The following TRIM37 variants were observed in gnomAD, a reference collection of about 807,000 sequenced individuals.
TRIM37 encodes tripartite motif containing 37, also known as E3 ubiquitin-protein ligase TRIM37.
TRIM37 carries 80 observed loss-of-function variants against 129.8 expected under a neutral mutation model. That is an observed-to-expected ratio of 0.62 (90% CI 0.51 to 0.74). The LOEUF is 0.74. Ranked by LOEUF, TRIM37 falls within the 30% of genes least tolerant of loss-of-function variation. The probability of loss-of-function intolerance (pLI) is 0.00; values close to 1 mark genes in which losing one functional copy is unlikely to be tolerated. For synonymous variants in TRIM37, 389 were observed against 387.1 expected, an observed-to-expected ratio of 1.00 and a Z score of -0.06; for missense variants, 1,054 against 1,176.5, an observed-to-expected ratio of 0.90 and a Z score of 1.52.
intron 14 of TRIM37, among the ~76,000 whole-genome samples, chr17:59,050,745 C>A (rs1313037410): frequency 6.6e-6 from 1 of 152,020 alleles, no homozygotes; most frequent in Non-Finnish European, 1.5e-5. Flanking sequence ...TTTGGGAGGC[C>A]GAGGTGGGCA....
chr17:59,099,234 T>C (rs753020384), intron 2 of TRIM37, among the ~76,000 whole-genome samples: 6 of 152,008 alleles, frequency 3.9e-5, no homozygotes, highest in Admixed American at 6.6e-5. Context: ...TATATAGCCA[T>C]GTGTCACATA....
At position 58,999,468 on chromosome 17, in the gene TRIM37, A is replaced by G; in HGVS notation, c.2813-9T>C. ...AAAACTGGAATGTGTATCTATGATTAAAAAATAAATAAAAAATTTAAAATT... is the reference window on the plus strand; with the variant it reads ...AAAACTGGAATGTGTATCTATGATTGAAAAATAAATAAAAAATTTAAAATT... On this transcript the variant is annotated splice_polypyrimidine_tract_variant and intron_variant, in intron 23 of 23. Transcript: ENST00000262294. 1 of 1,600,136 alleles carries G rather than the reference A, an allele frequency of 6.2e-7. No individual in the cohort carries two copies. The highest frequency in any genetic ancestry group is 1.3e-5 in the African/African-American group (1 of 74,558).
chr17:59,089,666 A>C (rs1222803172), intron 3 of TRIM37, among the ~76,000 whole-genome samples: 2 of 152,110 alleles, frequency 1.3e-5, no homozygotes, highest in Non-Finnish European at 2.9e-5. Flanking sequence ...GTAAAATTTC[A>C]TCATATAGCC....
chr17:58,987,807 G>A (rs1166035840), intron 24 of TRIM37, among the ~76,000 whole-genome samples: 8 of 152,012 alleles, frequency 5.3e-5, no homozygotes, highest in Admixed American at 5.2e-4. Flanking sequence ...AATTAAAAAT[G>A]GCTCATTTTC....
chr17:59,034,416 T>C (rs1449868956), intron 17 of TRIM37, among the ~76,000 whole-genome samples: 1 of 151,966 alleles, frequency 6.6e-6, no homozygotes, highest in East Asian at 1.9e-4. Context: ...CAGCTTTCTT[T>C]TCTTTTTTGT....
intron 16 of TRIM37, among the ~76,000 whole-genome samples, chr17:59,043,580 A>G (rs2039475458): frequency 6.6e-6 from 1 of 152,172 alleles, no homozygotes; most frequent in South Asian, 2.1e-4. Context: ...TTCTGCCCCC[A>G]GCTACCTATT....
intron 20 of TRIM37, among the ~76,000 whole-genome samples, 194 bp from the exon 21 acceptor site, chr17:59,015,993 TA>T (rs1193707631): frequency 6.7e-6 from 1 of 149,320 alleles, no homozygotes; most frequent in East Asian, 2.0e-4. Flanking sequence ...TAAAATAAAA[TA>T]AAATAAAAGG....
downstream of TRIM37, chr17:58,980,791 G>GT: frequency 6.2e-7 from 1 of 1,614,184 alleles, no homozygotes; most frequent in Non-Finnish European, 8.5e-7. This position sits in a 1 kb window ranked among gnomAD's most constrained non-coding sequence, Gnocchi z 4.7. Flanking sequence ...ACTACTCAAA[G>GT]AAGTGGCACA....
At chr17:59,001,469 AGAAGTAGAAGC>A in intron 23 of TRIM37, 118 bp downstream of exon 23, 1 of 1,067,734 alleles carries the variant, frequency 9.4e-7, no homozygotes. Context: ...AAAAAAAAAA[AGAAGTAGAAGC>A]AGAAGAAGCA....
chr17:58,993,669 G>C (rs1598763666), downstream of TRIM37, among the ~76,000 whole-genome samples: 2 of 152,300 alleles, frequency 1.3e-5, no homozygotes, highest in East Asian at 3.9e-4. Flanking sequence ...CAGCACAGGG[G>C]AATCTTGGGG....
chr17:58,991,200 A>G (rs2032370794), intron 24 of TRIM37, among the ~76,000 whole-genome samples: 1 of 151,418 alleles, frequency 6.6e-6, no homozygotes, highest in Non-Finnish European at 1.5e-5. Context: ...AAAAGAAAAA[A>G]GTTTCCTCCT....
intron 24 of TRIM37, among the ~76,000 whole-genome samples, chr17:58,986,932 C>T (rs901989684): frequency 3.3e-5 from 5 of 152,114 alleles, no homozygotes; most frequent in African/African-American, 1.2e-4. Context: ...TAAAACAAGT[C>T]ACATTCTTTT....
At chr17:59,014,973 A>T (rs1445448666) in intron 21 of TRIM37, among the ~76,000 whole-genome samples, 3 of 149,430 alleles carry the variant, frequency 2.0e-5, no homozygotes, top group Admixed American at 6.7e-5. Context: ...CTACTTGGAG[A>T]GGCTGAGGTA....
chr17:59,083,195 G>A (rs1211939133), intron 5 of TRIM37, among the ~76,000 whole-genome samples: 1 of 152,144 alleles, frequency 6.6e-6, no homozygotes, highest in Non-Finnish European at 1.5e-5. Flanking sequence ...CAGCACTTTG[G>A]GAGGCCAAGT....
intron 17 of TRIM37, among the ~76,000 whole-genome samples, 153 bp downstream of exon 17, chr17:59,041,660 T>C (rs547841268): frequency 1.3e-5 from 2 of 152,326 alleles, no homozygotes; most frequent in Middle Eastern, 3.4e-3. Context: ...TCTTTAGTAA[T>C]AAACTCTAAA....
chr17:58,972,752 A>G, the TRIM37 span: 6 of 1,247,850 alleles, frequency 4.8e-6, no homozygotes, highest in African/African-American at 5.9e-5. Flanking sequence ...GATGAGTATT[A>G]TATCTGTTGT....
chr17:59,045,564 G>A (rs538090009), intron 16 of TRIM37, among the ~76,000 whole-genome samples: 63 of 150,266 alleles, frequency 4.2e-4, no homozygotes, highest in Admixed American at 3.2e-3. Context: ...GCCTGAACCC[G>A]GGAGGCGGAG....
intron 3 of TRIM37, 114 bp downstream of exon 3, chr17:59,091,186 C>T: frequency 1.7e-6 from 1 of 575,382 alleles, no homozygotes; most frequent in Non-Finnish European, 3.0e-6. Flanking sequence ...ACTCAACTAT[C>T]TTCACGAAGA....
At chr17:59,065,908 G>A (rs1448271727) in intron 9 of TRIM37, among the ~76,000 whole-genome samples, 1 of 152,174 alleles carries the variant, frequency 6.6e-6, no homozygotes, top group Non-Finnish European at 1.5e-5. Flanking sequence ...TACACAGTAA[G>A]CAGATGTACT....
Sources: allele counts gnomAD v4.1 joint callset (sites outside exome capture counted in the v4.1 genomes callset), GRCh38; gene constraint gnomAD v4.1.1; non-coding constraint Gnocchi (gnomAD v3.1); transcripts MANE v1.5; gene names NCBI Gene and HGNC (gene_info 2026-07-23, HGNC 2026-07-21).